The following GMEB1 variants were observed in gnomAD, a reference collection of about 807,000 sequenced individuals.
The protein encoded by GMEB1 is glucocorticoid modulatory element binding protein 1.
GMEB1 carries 6 observed loss-of-function variants against 52.4 expected under a neutral mutation model. The ratio of observed to expected loss-of-function variants is 0.11; its 90% CI spans 0.06 to 0.23. The LOEUF is 0.23. Ranked by LOEUF, GMEB1 falls within the 10% of genes least tolerant of loss-of-function variation. The probability of loss-of-function intolerance (pLI) is 1.00; values close to 1 mark genes in which losing one functional copy is unlikely to be tolerated. For missense variants in GMEB1, 486 were observed against 685.6 expected, an observed-to-expected ratio of 0.71 and a Z score of 3.25; for synonymous variants, 255 against 244.9, an observed-to-expected ratio of 1.04 and a Z score of -0.38.
At chr1:28,673,423 A>AT (rs1260083895) in intron 1 of GMEB1, among the ~76,000 whole-genome samples, 1 of 151,592 alleles carries the variant, frequency 6.6e-6, no homozygotes, top group Non-Finnish European at 1.5e-5. Context: ...CGCCTGGCTA[A>AT]TTTTTGTATT....
chr1:28,668,844 G>A lies in GMEB1; in HGVS notation c.-31+5G>A, dbSNP rs1668727830. 1 of 146,800 alleles carries A rather than the reference G, an allele frequency of 6.8e-6. No homozygotes were observed. The highest frequency in any genetic ancestry group is 2.1e-4 in the South Asian group (1 of 4,788). The allele number at this position is 146,800 out of a possible 1,614,324, so 9.1% of individuals were successfully genotyped here. A position where few individuals can be genotyped will look rare whatever the true frequency, so the allele number is the denominator to read the frequency against. On this transcript the variant is annotated splice_donor_5th_base_variant and intron_variant, in intron 1 of 9. Transcript: ENST00000373816. ...CCCGCCCGCCCGACGGAGACGGTGA[G>A]GAGGGGGAGGGGTGGGCGCGCGGGC... is the stretch of plus-strand genomic sequence containing the variant.
At position 28,714,697 on chromosome 1, in the gene GMEB1, A is replaced by C; in HGVS notation, c.1616A>C (p.Glu539Ala). Residue 539 changes from glutamate to alanine, a missense_variant, in exon 10 of 10, where the codon GAG becomes GCG. Physicochemically the swap from Glu to Ala is moderately radical, Grantham distance 107 (BLOSUM62 -1). Around this residue, in one of 5 missense-constraint regions of GMEB1, gnomAD observed 153 missense variants for 200.8 expected, o/e 0.76. Transcript: ENST00000373816. ...ATCTTGGAGACAGAGCTGAGGACTG[A>C]GGAGAAAGTTGTGGCTGAGATGGAA... ...AVILETELRTEEKVVAEMEEH... is the reference protein window; with the variant it reads ...AVILETELRTAEKVVAEMEEH... The C allele has an allele frequency of 1.9e-6, 3 of 1,614,134 alleles. No homozygotes were observed. The highest frequency in any genetic ancestry group is 2.5e-6 in the Non-Finnish European group (3 of 1,180,002).
chr1:28,674,708 CTTTTTT>C (rs34267851), intron 1 of GMEB1, among the ~76,000 whole-genome samples: 2 of 49,132 alleles, frequency 4.1e-5, no homozygotes, highest in African/African-American at 8.3e-5. Flanking sequence ...ATAGTTAATT[CTTTTTT>C]TTTTTTTTTT....
At chr1:28,687,421 G>A (rs1669732179) in intron 2 of GMEB1, among the ~76,000 whole-genome samples, 1 of 138,660 alleles carries the variant, frequency 7.2e-6, no homozygotes, top group Non-Finnish European at 1.5e-5. Flanking sequence ...GTTCTGGGAA[G>A]TGGCAGAAAT....
chr1:28,694,770 T>G (rs1670121887), intron 5 of GMEB1, among the ~76,000 whole-genome samples: 1 of 151,898 alleles, frequency 6.6e-6, no homozygotes, highest in Non-Finnish European at 1.5e-5. Flanking sequence ...TTCAAGTGAT[T>G]CTCCTGCCTC....
In GMEB1 at chr1:28,704,226, T is replaced by G; in HGVS notation, c.765T>G (p.Asp255Glu). 1.2e-6 allele frequency: 2 copies of G among 1,613,620 alleles called. No homozygotes were observed. The highest frequency in any genetic ancestry group is 1.1e-5 in the South Asian group (1 of 91,012). Residue 255 changes from aspartate to glutamate, a missense_variant, in exon 8 of 10, where the codon GAT (aspartate) becomes GAG (glutamate). Around this residue, in one of 5 missense-constraint regions of GMEB1, gnomAD observed 200 missense variants for 253.5 expected, o/e 0.79. Transcript: ENST00000373816. ...TGATGTTCTGGAAAGGAATAGCTGATGTAGGGCTGATGGAAGAGGTTGTCT... is the reference window on the plus strand; with the variant it reads ...TGATGTTCTGGAAAGGAATAGCTGAGGTAGGGCTGATGGAAGAGGTTGTCT... The part of the protein sequence containing the change: ...DTLMFWKGIA[D>E]VGLMEEVVCN...
In GMEB1 at chr1:28,708,233, C is replaced by CA. The variant is rs1670871898; in HGVS notation, c.869-2286dup. Among the ~76,000 whole-genome samples, 4 of 151,694 alleles carry CA rather than the reference C, an allele frequency of 2.6e-5. 1 individual carries two copies. In the South Asian group the frequency reaches 6.2e-4, roughly 24 times the overall value. On this transcript the variant is annotated intron_variant, in intron 8 of 9. Transcript: ENST00000373816. ...AGGCTGGAGTGCAGTGGTGCAATCT[C>CA]AGTTTACTGCAAGCTCCACCTCCCA...
In GMEB1 at chr1:28,718,628, A is replaced by T. The variant is rs927371060; in HGVS notation, c.*3855A>T. 1 of 152,176 alleles carries T rather than the reference A, an allele frequency of 6.6e-6. No homozygotes were observed. Among genetic ancestry groups the T allele is most frequent in the African/African-American group, 2.4e-5 (1 of 41,436 alleles). The allele number at this position is 152,176 out of a possible 1,614,324, so 9.4% of individuals were successfully genotyped here. A position where few individuals can be genotyped will look rare whatever the true frequency, so the allele number is the denominator to read the frequency against. ...GAAAACCAAAACTACACATTTCATTATAATTGTTTTTTTTTGTAATTTTAT... is the reference window on the plus strand; with the variant it reads ...GAAAACCAAAACTACACATTTCATTTTAATTGTTTTTTTTTGTAATTTTAT... On this transcript the variant is annotated 3_prime_UTR_variant, in exon 10 of 10. Transcript: ENST00000373816.
chr1:28,702,825 G>T (rs1670578776), intron 7 of GMEB1, among the ~76,000 whole-genome samples: 1 of 151,898 alleles, frequency 6.6e-6, no homozygotes, highest in South Asian at 2.1e-4. Flanking sequence ...GCCAAGGCAG[G>T]TGGATCACAA....
intron 6 of GMEB1, 40 bp from the exon 7 acceptor site, chr1:28,702,398 G>T (rs200585802): frequency 1.3e-6 from 2 of 1,583,216 alleles, no homozygotes; most frequent in African/African-American, 1.4e-5. Flanking sequence ...TAACTTTTTC[G>T]TTAAATTCAC....
At chr1:28,672,368 C>T (rs1285628859) in intron 1 of GMEB1, among the ~76,000 whole-genome samples, 1 of 149,988 alleles carries the variant, frequency 6.7e-6, no homozygotes, top group Non-Finnish European at 1.5e-5. Flanking sequence ...TACTCTCCCG[C>T]CACCACTCCC....
intron 2 of GMEB1, 104 bp downstream of exon 2, chr1:28,683,844 A>C: frequency 5.5e-6 from 6 of 1,090,046 alleles, no homozygotes; most frequent in African/African-American, 1.6e-5. Flanking sequence ...ATTTAACATC[A>C]ATCAGAGCTG....
chr1:28,682,057 G>C lies in GMEB1; in HGVS notation c.-30-1526G>C, dbSNP rs558283746. ...CATCCATTGTGTGCCTACTCTGTTT[G>C]GGCACAGTCGTAGTCATCTTTACAT... On this transcript the variant is annotated intron_variant, in intron 1 of 9. Transcript: ENST00000373816. Among the ~76,000 whole-genome samples the C allele has an allele frequency of 2.0e-5, 3 of 152,084 alleles. No homozygotes were observed. In the East Asian group the frequency reaches 5.8e-4, roughly 29 times the overall value.
At chr1:28,713,300 G>A (rs1181214877) in intron 9 of GMEB1, among the ~76,000 whole-genome samples, 2 of 152,158 alleles carry the variant, frequency 1.3e-5, no homozygotes, top group Admixed American at 6.5e-5. Context: ...TGCTCTACAA[G>A]TGTAATTGAT....
intron 6 of GMEB1, among the ~76,000 whole-genome samples, chr1:28,701,101 A>G (rs564335028): frequency 2.6e-5 from 4 of 152,142 alleles, no homozygotes; most frequent in South Asian, 2.1e-4. Flanking sequence ...TCAATCCCTC[A>G]TGTATACTGA....
chr1:28,690,681 T>C (rs1669920167), intron 3 of GMEB1, among the ~76,000 whole-genome samples: 1 of 152,120 alleles, frequency 6.6e-6, no homozygotes, highest in Non-Finnish European at 1.5e-5. Flanking sequence ...AATTAATTAA[T>C]TAATTTAAAA....
chr1:28,696,899 CT>C, intron 5 of GMEB1, 27 bp from the exon 6 acceptor site: 1 of 1,571,058 alleles, frequency 6.4e-7, no homozygotes, highest in Non-Finnish European at 8.7e-7. Context: ...ATAGGCTGAA[CT>C]GGTACTTCTT....
Position 28,714,837 on chromosome 1 carries a change from T to C in GMEB1, c.*64T>C. The C allele has an allele frequency of 8.9e-7, 1 of 1,126,248 alleles. No homozygotes were observed. The highest frequency in any genetic ancestry group is 1.3e-6 in the Non-Finnish European group (1 of 774,200). The allele number at this position is 1,126,248 out of a possible 1,614,324, so 69.8% of individuals were successfully genotyped here. A position where few individuals can be genotyped will look rare whatever the true frequency, so the allele number is the denominator to read the frequency against. ...AATTTTAATTATTTGTTTATTTTTA[T>C]CATTGTCCCACTCATTTCCACATAG... is the stretch of plus-strand genomic sequence containing the variant. On this transcript the variant is annotated 3_prime_UTR_variant, in exon 10 of 10. Transcript: ENST00000373816.
intron 2 of GMEB1, among the ~76,000 whole-genome samples, chr1:28,687,877 A>G (rs772543870): frequency 1.3e-5 from 2 of 151,966 alleles, no homozygotes; most frequent in Non-Finnish European, 2.9e-5. Flanking sequence ...GAGTGGTGCT[A>G]TTAACAAGGA....
Sources: allele counts gnomAD v4.1 joint callset (sites outside exome capture counted in the v4.1 genomes callset), GRCh38; gene constraint gnomAD v4.1.1; regional missense constraint gnomAD v4.1.1; transcripts MANE v1.5; gene names NCBI Gene and HGNC (gene_info 2026-07-23, HGNC 2026-07-21).